GFRAL: variants seen among roughly 807,000 people sequenced by gnomAD.
GFRAL encodes the protein GDNF family receptor alpha-like.
In GFRAL, 36 loss-of-function variants were observed where a neutral mutation model predicts 45.4. That is an observed-to-expected ratio of 0.79 (90% CI 0.61 to 1.05). The LOEUF (loss-of-function observed/expected upper bound fraction) is 1.05, where lower values mean the gene tolerates loss of function less well. GFRAL is among the 50% of genes least tolerant of loss of function. GFRAL has a pLI of 0.00. For missense variants in GFRAL, 507 were observed against 467.5 expected (o/e 1.08, Z -0.78); for synonymous variants, 166 against 154.1 (o/e 1.08, Z -0.57).
intron 6 of GFRAL, among the ~76,000 whole-genome samples, chr6:55,381,331 A>G (rs1057247942): frequency 2.6e-5 from 4 of 151,934 alleles, no homozygotes; most frequent in African/African-American, 9.6e-5. Context: ...CTACCATTTC[A>G]TTTCTTTTTA....
chr6:55,351,237 ATATCATTGCT>A lies in GFRAL; in HGVS notation c.371-14_371-5del. 6.5e-7 allele frequency: 1 copy of A among 1,548,082 alleles called. No individual in the cohort carries two copies. Among genetic ancestry groups the A allele is most frequent in the Non-Finnish European group, 8.8e-7 (1 of 1,138,278 alleles). On this transcript the variant is annotated splice_polypyrimidine_tract_variant and splice_region_variant and intron_variant, in intron 4 of 8. Coordinates refer to ENST00000340465, the MANE Select transcript of GFRAL (RefSeq NM_207410.2). ...GTGTTTACTTTTCCACGACCTGGGC[ATATCATTGCT>A]TTCAGGATTCAAAGGGATGTGGTCC...
In GFRAL at chr6:55,395,175, A is replaced by AAAAATATAT; in HGVS notation, c.953-4004_953-4003insAAATATATA. ...AATCAGCCTATGGAAAAAAAAAAAA[A>AAAAATATAT]ATATATATATATATATATAAGCCAG... On this transcript the variant is annotated intron_variant, in intron 6 of 8. Coordinates refer to ENST00000340465, the MANE Select transcript of GFRAL (RefSeq NM_207410.2). Among the ~76,000 whole-genome samples the AAAAATATAT allele has an allele frequency of 5.7e-3, 699 of 123,422 alleles. 11 individuals are homozygous for AAAAATATAT. The highest frequency in any genetic ancestry group is 0.023 in the African/African-American group (663 of 28,888). The allele number at this position is 123,422 out of a possible 152,430, so 81.0% of individuals were successfully genotyped here.
At chr6:55,397,484 G>A (rs1768842157) in intron 6 of GFRAL, among the ~76,000 whole-genome samples, 1 of 112,760 alleles carries the variant, frequency 8.9e-6, no homozygotes, top group Non-Finnish European at 1.7e-5. Flanking sequence ...CGCCACTGCA[G>A]TCCGCAGTCC....
intron 5 of GFRAL, among the ~76,000 whole-genome samples, chr6:55,358,021 A>G (rs1014238424): frequency 2.6e-5 from 4 of 151,828 alleles, no homozygotes; most frequent in African/African-American, 9.7e-5. Context: ...CCTTTATTAT[A>G]AATTTAATAT....
rs556757487 is a variant in GFRAL at position 55,402,145 on chromosome 6, T to A, written c.*292T>A. 77 of 218,200 alleles carry A rather than the reference T, an allele frequency of 3.5e-4. No homozygotes were observed. Among genetic ancestry groups the A allele is most frequent in the Non-Finnish European group, 3.9e-4 (44 of 112,624 alleles). 13.5% of individuals were successfully genotyped at this position (218,200 alleles called of 1,614,324 possible). On this transcript the variant is annotated 3_prime_UTR_variant, in exon 9 of 9. Coordinates refer to ENST00000340465, the MANE Select transcript of GFRAL (RefSeq NM_207410.2). ...GGTACCCGCCACCACGCCCAGCTAA[T>A]TTTTTTGTATTTTTAGTAGAGATGG...
rs553936071 is a variant in GFRAL at position 55,337,347 on chromosome 6, A to C, written c.316+3403A>C. On this transcript the variant is annotated intron_variant, in intron 3 of 8. Coordinates refer to ENST00000340465, the MANE Select transcript of GFRAL (RefSeq NM_207410.2). ...ATATTTTGTTTAAAAAACTATGTTC[A>C]TAAAGTATATTGGCATGTTGATTTG... is the stretch of plus-strand genomic sequence containing the variant. Among the ~76,000 whole-genome samples, 7 of 152,150 alleles carry C rather than the reference A, an allele frequency of 4.6e-5. No homozygotes were observed. In the South Asian group the frequency reaches 1.5e-3, roughly 32 times the overall value.
chr6:55,342,245 A>C (rs1302088905), intron 3 of GFRAL, among the ~76,000 whole-genome samples: 2 of 152,198 alleles, frequency 1.3e-5, no homozygotes, highest in African/African-American at 4.8e-5. Context: ...AGTTGAAATG[A>C]AGGAAAAAAT....
At chr6:55,333,581 A>AAAC (rs1767856489) in intron 2 of GFRAL, among the ~76,000 whole-genome samples, 1 of 152,202 alleles carries the variant, frequency 6.6e-6, no homozygotes, top group African/African-American at 2.4e-5. Context: ...GAAAGTTTTA[A>AAAC]TATAGAAAGT....
chr6:55,335,501 T>C (rs1012023168), intron 3 of GFRAL, among the ~76,000 whole-genome samples: 3 of 152,182 alleles, frequency 2.0e-5, no homozygotes. Context: ...CTTTTGATGT[T>C]GCATCTAATA....
In GFRAL at chr6:55,396,144, A is replaced by T. The variant is rs145605328; in HGVS notation, c.953-3036A>T. On this transcript the variant is annotated intron_variant, in intron 6 of 8. Coordinates refer to ENST00000340465, the MANE Select transcript of GFRAL (RefSeq NM_207410.2). ...TAGCCAAGAAACCCTCAGTAACATTAATCTTTCTAACTGATATTCGGTATC... is the reference window on the plus strand; with the variant it reads ...TAGCCAAGAAACCCTCAGTAACATTTATCTTTCTAACTGATATTCGGTATC... Among the ~76,000 whole-genome samples the T allele has an allele frequency of 3.6e-4, 55 of 152,310 alleles. No individual in the cohort carries two copies. In the East Asian group the frequency reaches 0.01, roughly 28 times the overall value.
chr6:55,344,953 A>C (rs1466334757), intron 3 of GFRAL, among the ~76,000 whole-genome samples: 3 of 152,198 alleles, frequency 2.0e-5, no homozygotes, highest in Non-Finnish European at 4.4e-5. Flanking sequence ...TGTTTCAAAG[A>C]GAATAAAATA....
intron 8 of GFRAL, 89 bp downstream of exon 8, chr6:55,399,530 A>G: frequency 2.3e-6 from 2 of 865,046 alleles, no homozygotes; most frequent in Non-Finnish European, 3.9e-6. Flanking sequence ...GCTTACAAAG[A>G]GCCTGAGAAT....
chr6:55,333,374 C>T (rs1301804588), intron 2 of GFRAL, among the ~76,000 whole-genome samples: 6 of 151,902 alleles, frequency 3.9e-5, no homozygotes, highest in Admixed American at 3.9e-4. Context: ...TTAGAGCTAC[C>T]TGCACATATC....
intron 6 of GFRAL, 32 bp downstream of exon 6, chr6:55,359,170 C>CTATT: frequency 6.5e-7 from 1 of 1,539,572 alleles, no homozygotes; most frequent in East Asian, 2.3e-5. Context: ...ATCTGTCTAT[C>CTATT]TATCTATCTA....
chr6:55,394,529 G>A (rs1768796364), intron 6 of GFRAL, among the ~76,000 whole-genome samples: 1 of 151,318 alleles, frequency 6.6e-6, no homozygotes, highest in Non-Finnish European at 1.5e-5. Flanking sequence ...AATGTAAAGT[G>A]AAATGGGTTG....
chr6:55,396,155 C>T (rs933830999), intron 6 of GFRAL, among the ~76,000 whole-genome samples: 4 of 152,158 alleles, frequency 2.6e-5, no homozygotes, highest in African/African-American at 9.6e-5. Context: ...ATCTTTCTAA[C>T]TGATATTCGG....
At chr6:55,384,775 G>A in intron 6 of GFRAL, among the ~76,000 whole-genome samples, 1 of 151,812 alleles carries the variant, frequency 6.6e-6, no homozygotes, top group East Asian at 1.9e-4. Context: ...CTTTGGTCAT[G>A]GCAGTTGGAA....
chr6:55,330,164 C>T (rs1767811375), intron 1 of GFRAL, among the ~76,000 whole-genome samples: 1 of 152,088 alleles, frequency 6.6e-6, no homozygotes, highest in South Asian at 2.1e-4. Context: ...GATTTCTCCT[C>T]TAGCAAAAGT....
chr6:55,356,053 C>T (rs572925622), intron 5 of GFRAL, among the ~76,000 whole-genome samples: 2 of 151,992 alleles, frequency 1.3e-5, no homozygotes, highest in Non-Finnish European at 2.9e-5. Context: ...TTGAACCATC[C>T]TTGTATCACT....
Sources: allele counts gnomAD v4.1 joint callset (sites outside exome capture counted in the v4.1 genomes callset), GRCh38; gene constraint gnomAD v4.1.1; transcripts MANE v1.5; gene names NCBI Gene and HGNC (gene_info 2026-07-23, HGNC 2026-07-21).